BCAT1: variants seen among roughly 807,000 people sequenced by gnomAD.
BCAT1 encodes the protein branched-chain-amino-acid aminotransferase, cytosolic.
Under a neutral mutation model 52.4 loss-of-function variants are expected in BCAT1, and 48 were observed. The ratio of observed to expected loss-of-function variants is 0.92; its 90% CI spans 0.73 to 1.16. BCAT1 has a LOEUF of 1.16. Ranked by LOEUF, BCAT1 falls within the 50% of genes most tolerant of loss-of-function variation. BCAT1 has a pLI of 0.00. For synonymous variants in BCAT1, 167 were observed against 161.3 expected, an observed-to-expected ratio of 1.04 and a Z score of -0.27; for missense variants, 451 against 457.1, an observed-to-expected ratio of 0.99 and a Z score of 0.12.
At chr12:24,835,554 TA>T (rs1406078541) in intron 8 of BCAT1, among the ~76,000 whole-genome samples, 1 of 53,142 alleles carries the variant, frequency 1.9e-5, no homozygotes, top group African/African-American at 6.5e-5. Flanking sequence ...AATTTTATTT[TA>T]TTTATTTATT....
At chr12:24,889,088 C>G (rs1216895603) in intron 3 of BCAT1, among the ~76,000 whole-genome samples, 1 of 152,224 alleles carries the variant, frequency 6.6e-6, no homozygotes, top group Admixed American at 6.5e-5. Context: ...CCTCCTCAAA[C>G]CTGACTATAA....
At chr12:24,844,952 C>G (rs1357917627) in intron 6 of BCAT1, among the ~76,000 whole-genome samples, 3 of 145,838 alleles carry the variant, frequency 2.1e-5, no homozygotes, top group Non-Finnish European at 4.5e-5. Flanking sequence ...GTGGCTCATA[C>G]CTGTAATCTC....
At chr12:24,918,869 T>G (rs988329320) in intron 1 of BCAT1, among the ~76,000 whole-genome samples, 1 of 152,184 alleles carries the variant, frequency 6.6e-6, no homozygotes, top group East Asian at 1.9e-4. Flanking sequence ...AGTTTAACAT[T>G]GCATGTAATA....
intron 6 of BCAT1, 44 bp downstream of exon 6, chr12:24,849,742 C>T: frequency 6.4e-7 from 1 of 1,563,060 alleles, no homozygotes; most frequent in East Asian, 2.3e-5. Flanking sequence ...ACTAAATGGT[C>T]ATGAAGGTGT....
intron 8 of BCAT1, chr12:24,834,047 G>C (rs191022672): frequency 1.7e-6 from 1 of 600,864 alleles, no homozygotes; most frequent in Admixed American, 6.4e-5. Flanking sequence ...GCCCAGGCTG[G>C]GCTCATGTGA....
intron 4 of BCAT1, among the ~76,000 whole-genome samples, chr12:24,879,872 T>C (rs897362503): frequency 1.3e-5 from 2 of 152,214 alleles, no homozygotes; most frequent in Non-Finnish European, 2.9e-5. Context: ...AGATAAGGAA[T>C]GTGAAACTAC....
At chr12:24,863,914 G>C (rs901119058) in intron 5 of BCAT1, among the ~76,000 whole-genome samples, 1 of 151,670 alleles carries the variant, frequency 6.6e-6, no homozygotes, top group African/African-American at 2.4e-5. Context: ...CTGGGTGACA[G>C]AGCAGGACCT....
chr12:24,943,493 GAAAA>G (rs4031153), intron 1 of BCAT1, among the ~76,000 whole-genome samples: 2,082 of 58,528 alleles, frequency 0.036, 87 homozygotes, highest in African/African-American at 0.11. Context: ...ACCCTATCTG[GAAAA>G]AAAAAAAAAA....
chr12:24,929,336 C>A (rs539922411), intron 1 of BCAT1, among the ~76,000 whole-genome samples: 1 of 152,168 alleles, frequency 6.6e-6, no homozygotes, highest in Non-Finnish European at 1.5e-5. Context: ...TAGGTTGGCA[C>A]ATCCAACAGA....
At position 24,934,710 on chromosome 12, in the gene BCAT1, G is replaced by A. The variant is rs142081532; in HGVS notation, c.6+14217C>T. On this transcript the variant is annotated intron_variant, in intron 1 of 10. Transcript: ENST00000261192. ...TGGGACTATAGGTGCACACCACCAC[G>A]CCCAGCTAATTTTTGTATTTTTAGT... Among the ~76,000 whole-genome samples the A allele has an allele frequency of 9.4e-3, 1,427 of 152,132 alleles. 14 individuals are homozygous for A. Among genetic ancestry groups the A allele is most frequent in the African/African-American group, 0.032 (1,345 of 41,476 alleles).
At chr12:24,880,038 G>A (rs1942449940) in intron 4 of BCAT1, among the ~76,000 whole-genome samples, 1 of 152,176 alleles carries the variant, frequency 6.6e-6, no homozygotes, top group Non-Finnish European at 1.5e-5. Context: ...TTTCCCCTCT[G>A]CTACTATATT....
chr12:24,869,567 A>G (rs1942122104), intron 5 of BCAT1, among the ~76,000 whole-genome samples: 1 of 152,238 alleles, frequency 6.6e-6, no homozygotes, highest in African/African-American at 2.4e-5. Flanking sequence ...AGTATCTACT[A>G]AAGTGAAATA....
At chr12:24,856,578 G>A (rs74071947) in intron 5 of BCAT1, among the ~76,000 whole-genome samples, 6,496 of 152,224 alleles carry the variant, frequency 0.043, 446 homozygotes, top group African/African-American at 0.15. Flanking sequence ...TAGAGGAAAG[G>A]CCCAGAGAGG....
At chr12:24,943,525 A>G (rs1167459561) in intron 1 of BCAT1, among the ~76,000 whole-genome samples, 2 of 139,138 alleles carry the variant, frequency 1.4e-5, no homozygotes, top group South Asian at 2.3e-4. Flanking sequence ...AAAATTTACA[A>G]AGTGGTGTCA....
At chr12:24,923,980 A>G (rs1235957293) in intron 1 of BCAT1, among the ~76,000 whole-genome samples, 1 of 151,002 alleles carries the variant, frequency 6.6e-6, no homozygotes, top group Non-Finnish European at 1.5e-5. Flanking sequence ...CAAACAAAAC[A>G]AAACAATACA....
At chr12:24,902,637 C>T (rs1474228924) in intron 1 of BCAT1, 2 of 459,112 alleles carry the variant, frequency 4.4e-6, no homozygotes, top group African/African-American at 4.1e-5. Context: ...CCCGCCTCCT[C>T]CCTCAGAGCG....
chr12:24,813,383 A>G lies in BCAT1; in HGVS notation c.*4625T>C, dbSNP rs1939758949. ...GCAAAATCATGGTTATATGAAAGTT[A>G]TTTTCTGAATAGCTGGATCCATCAC... On this transcript the variant is annotated 3_prime_UTR_variant, in exon 11 of 11. Transcript: ENST00000261192. 6.6e-6 allele frequency: 1 copy of G among 152,048 alleles called. No individual in the cohort carries two copies. The highest frequency in any genetic ancestry group is 1.5e-5 in the Non-Finnish European group (1 of 67,902). The allele number at this position is 152,048 out of a possible 1,614,324, so 9.4% of individuals were successfully genotyped here. A position where few individuals can be genotyped will look rare whatever the true frequency, so the allele number is the denominator to read the frequency against.
intron 6 of BCAT1, among the ~76,000 whole-genome samples, chr12:24,842,795 A>G (rs1417074082): frequency 6.6e-6 from 1 of 152,186 alleles, no homozygotes; most frequent in Non-Finnish European, 1.5e-5. Flanking sequence ...TGTTGACCAA[A>G]AAGTATTTCA....
chr12:24,897,730 T>A (rs1387487756), intron 2 of BCAT1, among the ~76,000 whole-genome samples: 1 of 152,124 alleles, frequency 6.6e-6, no homozygotes, highest in Non-Finnish European at 1.5e-5. Context: ...AGTTTTGTAT[T>A]TTTGGTAGAG....
Sources: gnomAD v4.1 joint callset for allele counts (sites outside exome capture counted in the v4.1 genomes callset) on GRCh38, gnomAD v4.1.1 for gene constraint, MANE v1.5 for transcripts, NCBI Gene and HGNC (gene_info 2026-07-23, HGNC 2026-07-21) for gene names.